The following ZBTB5 variants were observed in gnomAD, a reference collection of about 807,000 sequenced individuals.
The protein encoded by ZBTB5 is zinc finger and BTB domain containing 5.
Under a neutral mutation model 37.9 loss-of-function variants are expected in ZBTB5, and 15 were observed. That is an observed-to-expected ratio of 0.40 (90% CI 0.26 to 0.61). The LOEUF is 0.61. Ranked by LOEUF, ZBTB5 falls within the 20% of genes least tolerant of loss-of-function variation. ZBTB5 has a pLI of 0.47. For synonymous variants in ZBTB5, 315 were observed against 312.4 expected (o/e 1.01, Z -0.09); for missense variants, 708 against 856.8 (o/e 0.83, Z 2.17).
chr9:37,440,205 A>AT lies in ZBTB5; in HGVS notation c.*312dup. On this transcript the variant is annotated 3_prime_UTR_variant, in exon 2 of 2. Coordinates refer to ENST00000307750, the MANE Select transcript of ZBTB5 (RefSeq NM_014872.3). ...ACAGTTTTACAAAAATTGCTAAAAA[A>AT]TTTTTTTTGCACTTCAATTTTTAAA... 12 of 330,676 alleles carry AT rather than the reference A, an allele frequency of 3.6e-5. No individual in the cohort carries two copies. The highest frequency in any genetic ancestry group is 9.2e-4 in the Middle Eastern group (1 of 1,082). 20.5% of individuals were successfully genotyped at this position (330,676 alleles called of 1,614,324 possible). A position where few individuals can be genotyped will look rare whatever the true frequency, so the allele number is the denominator to read the frequency against.
chr9:37,441,122 T>C lies in ZBTB5; in HGVS notation c.1430A>G (p.His477Arg). The change falls in exon 2 of 2, where the codon CAC (histidine) becomes CGC (arginine). Residue 477 changes from histidine (H) to arginine (R), a missense_variant. Physicochemically the swap from His to Arg is conservative, Grantham distance 29. Coordinates refer to ENST00000307750, the MANE Select transcript of ZBTB5 (RefSeq NM_014872.3). ...CACCTCCTGCATAGGCCTGACGAAG[T>C]GGGAGTCTGCAGGTTCACTAAATGG... is the stretch of plus-strand genomic sequence containing the variant. ...ENPFSEPADSHFVRPMQEVMG... is the reference protein window; with the variant it reads ...ENPFSEPADSRFVRPMQEVMG... 1 of 1,613,932 alleles carries C rather than the reference T, an allele frequency of 6.2e-7. No homozygotes were observed. Among genetic ancestry groups the C allele is most frequent in the East Asian group, 2.2e-5 (1 of 44,850 alleles).
At chr9:37,447,434 T>G (rs1475569953) in intron 1 of ZBTB5, among the ~76,000 whole-genome samples, 1 of 152,042 alleles carries the variant, frequency 6.6e-6, no homozygotes, top group African/African-American at 2.4e-5. Flanking sequence ...GTAACAGAGG[T>G]AATGGTAGTG....
At position 37,441,796 on chromosome 9, in the gene ZBTB5, G is replaced by A. The variant is rs752640006; in HGVS notation, c.756C>T (p.Asn252=). ...DNPKADGMTD[N]QEDSAIMFDQ... is the part of the protein sequence containing the mutation. ...CAAACATGATCGCACTATCTTCCTG[G>A]TTATCAGTCATTCCATCAGCTTTAG... The change falls in exon 2 of 2, where the codon AAC becomes AAT. Residue 252 remains asparagine (N), a synonymous_variant. Coordinates refer to ENST00000307750, the MANE Select transcript of ZBTB5 (RefSeq NM_014872.3). The A allele has an allele frequency of 1.9e-6, 3 of 1,613,982 alleles. No homozygotes were observed. In the South Asian group the frequency reaches 3.3e-5, roughly 18 times the overall value.
chr9:37,452,733 C>T (rs1178206751), intron 1 of ZBTB5, among the ~76,000 whole-genome samples: 4 of 152,182 alleles, frequency 2.6e-5, no homozygotes, highest in African/African-American at 7.2e-5. Flanking sequence ...TGAGCCACCT[C>T]AAGGCAAAGG....
chr9:37,441,548 C>T lies in ZBTB5; in HGVS notation c.1004G>A (p.Ser335Asn), dbSNP rs1276379034. 1 of 1,612,802 alleles carries T rather than the reference C, an allele frequency of 6.2e-7. No homozygotes were observed. The highest frequency in any genetic ancestry group is 8.5e-7 in the Non-Finnish European group (1 of 1,179,864). ...CACTTCATCCTGAGGCTCAGGTGAG[C>T]TCAGGGGCTCAGATTTAACCACCAC... is the stretch of plus-strand genomic sequence containing the variant. ...MRVVVKSEPL[S>N]SPEPQDEVSD... The change falls in exon 2 of 2, where the codon AGC becomes AAC. Residue 335 changes from serine to asparagine, a missense_variant. By Grantham distance (46) the Ser-to-Asn change is conservative. Around this residue, in one of 3 missense-constraint regions of ZBTB5, gnomAD observed 639 missense variants for 690.5 expected, o/e 0.93. Coordinates refer to ENST00000307750, the MANE Select transcript of ZBTB5 (RefSeq NM_014872.3).
rs1225096345 is a variant in ZBTB5 at position 37,465,265 on chromosome 9, T to G, written c.-55A>C. 6.6e-6 allele frequency: 1 copy of G among 152,036 alleles called. No homozygotes were observed. The highest frequency in any genetic ancestry group is 1.9e-4 in the East Asian group (1 of 5,192). The allele number at this position is 152,036 out of a possible 1,614,324, so 9.4% of individuals were successfully genotyped here. ...CCTCGCTGAAGGAGGCGGTGACCCC[T>G]CTCCGATCGGACTCGGCAGTGTCAG... On this transcript the variant is annotated 5_prime_UTR_variant, in exon 1 of 2. Transcript: ENST00000307750.
At chr9:37,459,609 A>AGT (rs1824253741) in intron 1 of ZBTB5, among the ~76,000 whole-genome samples, 1 of 150,438 alleles carries the variant, frequency 6.6e-6, no homozygotes, top group Non-Finnish European at 1.5e-5. Context: ...GCTGGAGTGC[A>AGT]GTGGCACAAT....
intron 1 of ZBTB5, among the ~76,000 whole-genome samples, chr9:37,448,929 A>C (rs1418876255): frequency 1.3e-5 from 2 of 151,518 alleles, no homozygotes; most frequent in Non-Finnish European, 3.0e-5. Context: ...CTGTAGTCCC[A>C]GCTACTGGGG....
chr9:37,456,097 C>T (rs140812423), intron 1 of ZBTB5, among the ~76,000 whole-genome samples: 245 of 152,024 alleles, frequency 1.6e-3, no homozygotes, highest in Middle Eastern at 0.014. Context: ...ACTACAGGTG[C>T]GTGTCACCAT....
intron 1 of ZBTB5, among the ~76,000 whole-genome samples, chr9:37,451,233 G>A (rs990676009): frequency 6.6e-6 from 1 of 151,726 alleles, no homozygotes; most frequent in Non-Finnish European, 1.5e-5. Flanking sequence ...GGTAAGGCCT[G>A]GTGTTTGTCT....
chr9:37,452,968 T>C (rs1416012448), intron 1 of ZBTB5, among the ~76,000 whole-genome samples: 1 of 152,180 alleles, frequency 6.6e-6, no homozygotes, highest in African/African-American at 2.4e-5. Context: ...TGGTCAGAGC[T>C]ACACAGTATC....
Position 37,442,212 on chromosome 9 carries a change from C to G in ZBTB5, c.340G>C (p.Ala114Pro). The G allele has an allele frequency of 1.2e-6, 2 of 1,614,224 alleles. No individual in the cohort carries two copies. Among genetic ancestry groups the G allele is most frequent in the Non-Finnish European group, 1.7e-6 (2 of 1,180,044 alleles). ...SHLHLNSVVKACKHYLTTRTL... is the reference protein window; with the variant it reads ...SHLHLNSVVKPCKHYLTTRTL... ...CTTGTCGTTAAGTAATGTTTACATGCCTTAACAACAGAGTTCAAATGCAGG... is the reference window on the plus strand; with the variant it reads ...CTTGTCGTTAAGTAATGTTTACATGGCTTAACAACAGAGTTCAAATGCAGG... Residue 114 changes from alanine to proline, a missense_variant, in exon 2 of 2, where the codon GCA (alanine) becomes CCA (proline). Physicochemically the swap from Ala to Pro is conservative, Grantham distance 27. Transcript: ENST00000307750.
intron 1 of ZBTB5, among the ~76,000 whole-genome samples, chr9:37,463,590 C>T (rs1018172781): frequency 2.6e-5 from 4 of 152,186 alleles, no homozygotes; most frequent in African/African-American, 9.6e-5. Flanking sequence ...ATGCTGAGTT[C>T]TTTAAGTACT....
Position 37,457,590 on chromosome 9 carries a change from A to G in ZBTB5, c.-5+7625T>C, listed in dbSNP as rs545380245. Among the ~76,000 whole-genome samples, 7 of 152,372 alleles carry G rather than the reference A, an allele frequency of 4.6e-5. No individual in the cohort carries two copies. In the South Asian group the frequency reaches 1.5e-3, roughly 32 times the overall value. Reference sequence around the variant, plus strand: ...TAAGCGCTGTGGAGCATAGATTTGTATGGGACAGTACTAACTGTCACAGGT... The same window carrying G: ...TAAGCGCTGTGGAGCATAGATTTGTGTGGGACAGTACTAACTGTCACAGGT... On this transcript the variant is annotated intron_variant, in intron 1 of 1. Coordinates refer to ENST00000307750, the MANE Select transcript of ZBTB5 (RefSeq NM_014872.3).
chr9:37,453,840 C>T (rs1824143169), intron 1 of ZBTB5, among the ~76,000 whole-genome samples: 2 of 152,202 alleles, frequency 1.3e-5, no homozygotes, highest in Non-Finnish European at 1.5e-5. Flanking sequence ...ACTATCTCAA[C>T]CCAGATTACA....
intron 1 of ZBTB5, among the ~76,000 whole-genome samples, chr9:37,462,965 C>G (rs986496591): frequency 1.3e-5 from 2 of 152,118 alleles, no homozygotes; most frequent in Admixed American, 6.6e-5. Flanking sequence ...GAGACCACCC[C>G]CTGCATGCCC....
chr9:37,448,612 T>C (rs1367767453), intron 1 of ZBTB5, among the ~76,000 whole-genome samples: 2 of 152,208 alleles, frequency 1.3e-5, no homozygotes, highest in Admixed American at 1.3e-4. Context: ...CACTGTAACA[T>C]CTTCAATTAG....
chr9:37,463,308 C>T (rs1254285826), intron 1 of ZBTB5, among the ~76,000 whole-genome samples: 1 of 152,166 alleles, frequency 6.6e-6, no homozygotes, highest in Non-Finnish European at 1.5e-5. Context: ...ACTAACAAAA[C>T]TGGCTCTACT....
In ZBTB5 at chr9:37,441,935, C is replaced by A; in HGVS notation, c.617G>T (p.Arg206Leu). The part of the protein sequence containing the change: ...SAEERARQRL[R>L]PSIDESAISD... ...AATGGCAGACTCATCTATGGAGGGT[C>A]GGAGGCGCTGCCTGGCCCGCTCCTC... The change falls in exon 2 of 2, where the codon CGA becomes CTA. Residue 206 changes from arginine to leucine, a missense_variant. Around this residue, in one of 3 missense-constraint regions of ZBTB5, gnomAD observed 639 missense variants for 690.5 expected, o/e 0.93. Transcript: ENST00000307750. The A allele has an allele frequency of 6.2e-7, 1 of 1,614,060 alleles. No homozygotes were observed. The highest frequency in any genetic ancestry group is 1.6e-4 in the Middle Eastern group (1 of 6,062).
Sources: gnomAD v4.1 joint callset for allele counts (sites outside exome capture counted in the v4.1 genomes callset) on GRCh38, gnomAD v4.1.1 for gene constraint, gnomAD v4.1.1 regional missense constraint, MANE v1.5 for transcripts, NCBI Gene and HGNC (gene_info 2026-07-23, HGNC 2026-07-21) for gene names.